ITGB5: variants seen among roughly 807,000 people sequenced by gnomAD.
The protein encoded by ITGB5 is integrin subunit beta 5.
ITGB5 carries 38 observed loss-of-function variants against 84.8 expected under a neutral mutation model. That is an observed-to-expected ratio of 0.45 (90% CI 0.35 to 0.59). ITGB5 has a LOEUF of 0.59. Among genes scored for constraint, ITGB5 ranks in the 20% least tolerant of loss-of-function variants. The probability of loss-of-function intolerance (pLI) is 0.01; values close to 1 mark genes in which losing one functional copy is unlikely to be tolerated. For missense variants in ITGB5, 905 were observed against 1,034.5 expected (o/e 0.87, Z 1.72); for synonymous variants, 393 against 414.4 (o/e 0.95, Z 0.63).
intron 5 of ITGB5, among the ~76,000 whole-genome samples, chr3:124,838,805 G>A (rs186146278): frequency 3.3e-4 from 50 of 152,268 alleles, no homozygotes; most frequent in African/African-American, 1.1e-3. Flanking sequence ...GTTTCACCGC[G>A]TTAGCCAGGA....
intron 2 of ITGB5, among the ~76,000 whole-genome samples, chr3:124,865,153 C>T (rs2065367745): frequency 1.3e-5 from 2 of 152,146 alleles, no homozygotes; most frequent in Admixed American, 6.5e-5. Flanking sequence ...CTGTTACCTA[C>T]CAAACATGAG....
At chr3:124,893,386 C>A (rs751421334) in intron 1 of ITGB5, among the ~76,000 whole-genome samples, 3 of 152,122 alleles carry the variant, frequency 2.0e-5, no homozygotes, top group Non-Finnish European at 4.4e-5. Context: ...CCAGCCTGGA[C>A]AACAGAGTGA....
intron 3 of ITGB5, among the ~76,000 whole-genome samples, chr3:124,855,423 T>G (rs912924820): frequency 6.6e-6 from 1 of 152,086 alleles, no homozygotes; most frequent in African/African-American, 2.4e-5. Context: ...GACTGAAAAT[T>G]TTGCTAACTG....
Position 124,826,333 on chromosome 3 carries a change from C to A in ITGB5, c.781-4859G>T, listed in dbSNP as rs142266050. Among the ~76,000 whole-genome samples, 958 of 152,254 alleles carry A rather than the reference C, an allele frequency of 6.3e-3. 2 individuals are homozygous for A. Among genetic ancestry groups the A allele is most frequent in the Non-Finnish European group, 9.7e-3 (662 of 68,020 alleles). ...ACAAAGTGGGGTGGCAGTAAGAAGA[C>A]AGAACAATGTGGAATTCGGGTGCCT... On this transcript the variant is annotated intron_variant, in intron 5 of 14. Transcript: ENST00000296181.
At chr3:124,865,474 C>CT (rs1559977008) in intron 2 of ITGB5, among the ~76,000 whole-genome samples, 52 of 57,878 alleles carry the variant, frequency 9.0e-4, no homozygotes, top group South Asian at 1.8e-3. Flanking sequence ...TCCTTTGCGG[C>CT]TTTTTTCTTT....
chr3:124,838,670 C>T (rs948955068), intron 5 of ITGB5, among the ~76,000 whole-genome samples: 2 of 151,984 alleles, frequency 1.3e-5, no homozygotes, highest in Admixed American at 6.6e-5. Context: ...GGCATGATCT[C>T]GGTTCACTGA....
upstream of ITGB5, among the ~76,000 whole-genome samples, chr3:124,889,996 G>A (rs959990391): frequency 2.6e-5 from 4 of 151,670 alleles, no homozygotes; most frequent in Admixed American, 6.5e-5. Flanking sequence ...CAGCCTGGGC[G>A]ACAAAGCGAG....
chr3:124,870,517 AG>A (rs1933958427), intron 2 of ITGB5, among the ~76,000 whole-genome samples: 1 of 152,204 alleles, frequency 6.6e-6, no homozygotes, highest in East Asian at 1.9e-4. Flanking sequence ...TCACGAGGTC[AG>A]GAGTTCAAGA....
At chr3:124,880,621 A>AAAATAAAT (rs374857715) in intron 1 of ITGB5, among the ~76,000 whole-genome samples, 2 of 152,094 alleles carry the variant, frequency 1.3e-5, no homozygotes, top group African/African-American at 4.8e-5. Flanking sequence ...CTTTTTTTAA[A>AAAATAAAT]AAATAAATAA....
upstream of ITGB5, among the ~76,000 whole-genome samples, chr3:124,891,624 C>T (rs1025467504): frequency 1.4e-5 from 2 of 144,420 alleles, no homozygotes; most frequent in Non-Finnish European, 3.0e-5. Flanking sequence ...AAATGAAATT[C>T]TGACATTCTG....
intron 9 of ITGB5, among the ~76,000 whole-genome samples, chr3:124,798,762 G>C (rs2064272187): frequency 6.6e-6 from 1 of 152,218 alleles, no homozygotes; most frequent in African/African-American, 2.4e-5. Flanking sequence ...ATAAATATCT[G>C]TTTCTAAACA....
At chr3:124,783,668 T>C (rs1355555672) in intron 10 of ITGB5, among the ~76,000 whole-genome samples, 1 of 152,234 alleles carries the variant, frequency 6.6e-6, no homozygotes, top group Non-Finnish European at 1.5e-5. Context: ...AATGTGATTC[T>C]TGAGATATTT....
At chr3:124,777,066 CA>C (rs1263851420) in intron 10 of ITGB5, among the ~76,000 whole-genome samples, 1 of 152,186 alleles carries the variant, frequency 6.6e-6, no homozygotes, top group East Asian at 1.9e-4. Flanking sequence ...GAGAGTTCCA[CA>C]GCCTAGCCCA....
Position 124,859,327 on chromosome 3 carries a change from C to CA in ITGB5, c.275dup (p.Pro93AlafsTer30). Reference sequence around the variant, plus strand: ...AGCCCGAACCCTTGCTGCTGAGGGGCAGGCTCCTCAGGACATGGAAGCTGC... The same window carrying CA: ...AGCCCGAACCCTTGCTGCTGAGGGGCAAGGCTCCTCAGGACATGGAAGCTGC... On this transcript the variant is annotated frameshift_variant, in exon 3 of 15. Coordinates refer to ENST00000296181, the MANE Select transcript of ITGB5 (RefSeq NM_002213.5). LOFTEE classifies it high-confidence loss of function. The CA allele has an allele frequency of 6.2e-7, 1 of 1,614,162 alleles. No individual in the cohort carries two copies. The highest frequency in any genetic ancestry group is 2.2e-5 in the East Asian group (1 of 44,878).
intron 1 of ITGB5, among the ~76,000 whole-genome samples, chr3:124,898,164 A>G (rs1241275093): frequency 6.6e-6 from 1 of 151,878 alleles, no homozygotes; most frequent in Non-Finnish European, 1.5e-5. Flanking sequence ...CTTGATTAGA[A>G]TATTCAGGTG....
intron 7 of ITGB5, 80 bp from the exon 8 acceptor site, chr3:124,817,790 A>G (rs2064628447): frequency 2.7e-6 from 2 of 749,676 alleles, no homozygotes; most frequent in East Asian, 2.7e-5. Context: ...ATACTGGGCT[A>G]GAACAGTAAA....
chr3:124,889,044 C>G (rs886402411), upstream of ITGB5, among the ~76,000 whole-genome samples: 1 of 152,138 alleles, frequency 6.6e-6, no homozygotes, highest in Non-Finnish European at 1.5e-5. Flanking sequence ...GGAGAAAAAT[C>G]AAGCTGGGAA....
chr3:124,769,799 C>T (rs2063816634), intron 11 of ITGB5: 1 of 152,270 alleles, frequency 6.6e-6, no homozygotes, highest in Non-Finnish European at 1.5e-5. Context: ...TCAGTCTACA[C>T]TAGGCTCTGG....
chr3:124,883,323 T>C (rs1424848102), intron 1 of ITGB5, among the ~76,000 whole-genome samples: 2 of 152,196 alleles, frequency 1.3e-5, no homozygotes, highest in Non-Finnish European at 2.9e-5. Context: ...TAAATAAGCA[T>C]GGAGAACAAG....
Sources: gnomAD v4.1 joint callset for allele counts (sites outside exome capture counted in the v4.1 genomes callset) on GRCh38, gnomAD v4.1.1 for gene constraint, MANE v1.5 for transcripts, NCBI Gene and HGNC (gene_info 2026-07-23, HGNC 2026-07-21) for gene names.